NELL2: variants seen among roughly 807,000 people sequenced by gnomAD.
The protein encoded by NELL2 is protein kinase C-binding protein NELL2.
NELL2 carries 41 observed loss-of-function variants against 109.6 expected under a neutral mutation model. The ratio of observed to expected loss-of-function variants is 0.37; its 90% CI spans 0.29 to 0.49. NELL2 has a LOEUF of 0.49. Among genes scored for constraint, NELL2 ranks in the 20% least tolerant of loss-of-function variants. The pLI is 0.98. For synonymous variants in NELL2, 355 were observed against 344.7 expected (o/e 1.03, Z -0.33); for missense variants, 900 against 1,008.3 (o/e 0.89, Z 1.45).
At chr12:44,539,510 G>A (rs1942449482) in intron 15 of NELL2, among the ~76,000 whole-genome samples, 1 of 151,924 alleles carries the variant, frequency 6.6e-6, no homozygotes, top group South Asian at 2.1e-4. Flanking sequence ...CTGAATGTAT[G>A]TATTGTGCAT....
Position 44,663,269 on chromosome 12 carries a change from T to G in NELL2, c.1444+2215A>C, listed in dbSNP as rs915459898. Among the ~76,000 whole-genome samples the G allele has an allele frequency of 2.6e-5, 4 of 151,876 alleles. No homozygotes were observed. In the East Asian group the frequency reaches 7.7e-4, roughly 29 times the overall value. On this transcript the variant is annotated intron_variant, in intron 13 of 19. Coordinates refer to ENST00000429094, the MANE Select transcript of NELL2 (RefSeq NM_001145108.2). ...CCTAACATTAAAAAAAAATAAGCTT[T>G]GGCAATATTCACCTGACTCTGGACT...
chr12:44,634,985 G>A (rs1479911461), intron 13 of NELL2, among the ~76,000 whole-genome samples: 6 of 152,220 alleles, frequency 3.9e-5, no homozygotes, highest in Non-Finnish European at 7.4e-5. Context: ...TGTATCTGGC[G>A]TGAGATAGTA....
At chr12:44,908,242 G>C (rs1001470322) in intron 1 of NELL2, among the ~76,000 whole-genome samples, 1 of 152,000 alleles carries the variant, frequency 6.6e-6, no homozygotes, top group Admixed American at 6.6e-5. Flanking sequence ...ATAAGAAATA[G>C]AAGAGTTGTA....
chr12:44,683,469 G>A (rs1029838565), intron 12 of NELL2, among the ~76,000 whole-genome samples: 1 of 151,822 alleles, frequency 6.6e-6, no homozygotes, highest in African/African-American at 2.4e-5. Context: ...GAATAGGAGT[G>A]GTGAGAGAGG....
intron 1 of NELL2, among the ~76,000 whole-genome samples, chr12:44,896,845 G>A (rs1414484630): frequency 1.3e-5 from 2 of 152,178 alleles, no homozygotes; most frequent in African/African-American, 2.4e-5. Context: ...TTAGATGCAC[G>A]AGATGGACAA....
At chr12:44,746,803 G>C (rs1203061722) in intron 9 of NELL2, among the ~76,000 whole-genome samples, 2 of 152,096 alleles carry the variant, frequency 1.3e-5, no homozygotes, top group East Asian at 3.9e-4. Context: ...GAAACAACAG[G>C]TGCTGGAGAG....
upstream of NELL2, among the ~76,000 whole-genome samples, chr12:44,879,621 G>C (rs905487019): frequency 1.3e-5 from 2 of 151,838 alleles, no homozygotes; most frequent in East Asian, 1.9e-4. Flanking sequence ...AGACTCTATC[G>C]GGACCCTAAG....
At position 44,554,383 on chromosome 12, in the gene NELL2, A is replaced by C. The variant is rs1285004111; in HGVS notation, c.1664-21662T>G. On this transcript the variant is annotated intron_variant, in intron 15 of 19. Transcript: ENST00000429094. ...GTACATACTATATGATTATGCTTAC[A>C]TAAATGCTAGGAAATGCAAAGTAAC... Among the ~76,000 whole-genome samples the C allele has an allele frequency of 2.0e-5, 3 of 152,326 alleles. No individual in the cohort carries two copies. The East Asian group carries it at 5.8e-4, about 29-fold the overall frequency.
At chr12:44,792,041 G>C (rs1942455627) in intron 3 of NELL2, among the ~76,000 whole-genome samples, 1 of 152,120 alleles carries the variant, frequency 6.6e-6, no homozygotes, top group Non-Finnish European at 1.5e-5. Flanking sequence ...AAAAAAGTGA[G>C]AGTGGTGTCT....
At chr12:44,530,852 TGAAGACCCTGAACCGG>T (rs1555171693) in intron 16 of NELL2, among the ~76,000 whole-genome samples, 7 of 152,192 alleles carry the variant, frequency 4.6e-5, no homozygotes, top group Non-Finnish European at 7.3e-5. Context: ...TGCAGTGTCA[TGAAGACCCTGAACCGG>T]AGCCACCCAG....
upstream of NELL2, chr12:44,876,476 G>A: frequency 3.0e-6 from 4 of 1,325,448 alleles, no homozygotes; most frequent in Middle Eastern, 2.7e-4. Flanking sequence ...CCGGTCTAGG[G>A]AGCCCAGGAG....
At chr12:44,671,162 G>A (rs1027302187) in intron 12 of NELL2, among the ~76,000 whole-genome samples, 4 of 152,050 alleles carry the variant, frequency 2.6e-5, no homozygotes, top group Non-Finnish European at 5.9e-5. Flanking sequence ...ACAAATACAT[G>A]GAAATTAAGC....
intron 13 of NELL2, among the ~76,000 whole-genome samples, chr12:44,644,079 A>T (rs1406716876): frequency 1.3e-5 from 2 of 152,184 alleles, no homozygotes; most frequent in African/African-American, 4.8e-5. Flanking sequence ...CTACTGTTAC[A>T]AAAGAAGATT....
At chr12:44,760,231 CTTCT>C (rs1941064801) in intron 9 of NELL2, among the ~76,000 whole-genome samples, 1 of 152,104 alleles carries the variant, frequency 6.6e-6, no homozygotes, top group African/African-American at 2.4e-5. Flanking sequence ...GCCCATGAGA[CTTCT>C]TTCATTAATA....
intron 15 of NELL2, among the ~76,000 whole-genome samples, chr12:44,548,879 G>A (rs1267340398): frequency 1.3e-5 from 2 of 152,106 alleles, no homozygotes; most frequent in African/African-American, 2.4e-5. Flanking sequence ...TATGGAAGTT[G>A]ATTATAAAAC....
At chr12:44,820,609 A>AG (rs1252006640) in intron 2 of NELL2, among the ~76,000 whole-genome samples, 16 of 1,470 alleles carry the variant, frequency 0.011, no homozygotes, top group African/African-American at 0.015. Context: ...ACTCCGTCTC[A>AG]AAAAAAAAAA....
intron 13 of NELL2, among the ~76,000 whole-genome samples, chr12:44,636,197 G>T (rs1362045241): frequency 6.6e-6 from 1 of 152,066 alleles, no homozygotes; most frequent in East Asian, 1.9e-4. Flanking sequence ...AGATGATGGG[G>T]TGTTCTACAT....
chr12:44,788,253 G>C (rs1178888666), intron 3 of NELL2, among the ~76,000 whole-genome samples: 1 of 152,088 alleles, frequency 6.6e-6, no homozygotes, highest in Admixed American at 6.5e-5. Context: ...GAATAAACCA[G>C]GAATTCTGAA....
chr12:44,695,376 T>C (rs1278164849), intron 12 of NELL2, among the ~76,000 whole-genome samples: 1 of 152,116 alleles, frequency 6.6e-6, no homozygotes, highest in Admixed American at 6.5e-5. Flanking sequence ...AAAAATCTTA[T>C]GCTACTCTTT....
Sources: gnomAD v4.1 joint callset for allele counts (sites outside exome capture counted in the v4.1 genomes callset) on GRCh38, gnomAD v4.1.1 for gene constraint, MANE v1.5 for transcripts, NCBI Gene and HGNC (gene_info 2026-07-23, HGNC 2026-07-21) for gene names.